KCNIP2: variants seen among roughly 807,000 people sequenced by gnomAD.
The protein encoded by KCNIP2 is A-type potassium channel modulatory protein KCNIP2.
Under a neutral mutation model 39.0 loss-of-function variants are expected in KCNIP2, and 19 were observed. The ratio of observed to expected loss-of-function variants is 0.49; its 90% confidence interval spans 0.34 to 0.71. The LOEUF (loss-of-function observed/expected upper bound fraction) is 0.71, where lower values mean the gene tolerates loss of function less well. Ranked by LOEUF, KCNIP2 falls within the 30% of genes least tolerant of loss-of-function variation. The pLI, the probability that KCNIP2 is intolerant of heterozygous loss-of-function variation, is 0.01. For missense variants in KCNIP2, 261 were observed against 346.0 expected, an observed-to-expected ratio of 0.75 and a Z score of 1.95; for synonymous variants, 111 against 131.2, an observed-to-expected ratio of 0.85 and a Z score of 1.05.
chr10:101,832,782 G>T (rs1014233331), intron 1 of KCNIP2, among the ~76,000 whole-genome samples: 3 of 151,588 alleles, frequency 2.0e-5, no homozygotes, highest in African/African-American at 7.3e-5. Flanking sequence ...CCCCCTACCT[G>T]CTTCTAAGCC....
chr10:101,836,910 G>A (rs1335648669), intron 1 of KCNIP2, among the ~76,000 whole-genome samples: 2 of 151,662 alleles, frequency 1.3e-5, no homozygotes, highest in African/African-American at 2.4e-5. Context: ...GCAGTGAGCC[G>A]AGATCACGCC....
rs1023605706 is a variant in KCNIP2 at position 101,830,696 on chromosome 10, C to T, written c.169+376G>A. ...CTGGTCACGCCCACACACACACACA[C>T]ACACACACACACACGCACGCAGGCC... is the stretch of plus-strand genomic sequence containing the variant. On this transcript the variant is annotated intron_variant, in intron 2 of 9. Coordinates refer to ENST00000356640, the MANE Select transcript of KCNIP2 (RefSeq NM_173191.3). Among the ~76,000 whole-genome samples the T allele has an allele frequency of 1.4e-3, 219 of 151,762 alleles. 4 individuals are homozygous for T. The highest frequency in any genetic ancestry group is 4.3e-4 in the Non-Finnish European group (29 of 67,882).
chr10:101,843,626 T>A lies in KCNIP2; in HGVS notation c.-58A>T. On this transcript the variant is annotated 5_prime_UTR_variant, in exon 1 of 10. Coordinates refer to ENST00000356640, the MANE Select transcript of KCNIP2 (RefSeq NM_173191.3). The surrounding 1 kb of genome is among the most constrained non-coding windows in gnomAD (Gnocchi z 6.7). ...GGGAGGGGGCGCCGGGTGGCCGGGA[T>A]AGGGCGCTCACACGGCGCCCCCTGG... 9.2e-7 allele frequency: 1 copy of A among 1,083,406 alleles called. No homozygotes were observed. Among genetic ancestry groups the A allele is most frequent in the South Asian group, 1.8e-5 (1 of 55,922 alleles). The allele number at this position is 1,083,406 out of a possible 1,614,324, so 67.1% of individuals were successfully genotyped here.
At chr10:101,841,063 G>C (rs537420050) in intron 1 of KCNIP2, among the ~76,000 whole-genome samples, 7 of 152,368 alleles carry the variant, frequency 4.6e-5, no homozygotes, top group African/African-American at 1.4e-4. Context: ...AGACCTGAGG[G>C]ATTAGACAGG....
chr10:101,828,349 C>T lies in KCNIP2; in HGVS notation c.489+40G>A, dbSNP rs377188570. 8 of 1,613,364 alleles carry T rather than the reference C, an allele frequency of 5.0e-6. No homozygotes were observed. In the Admixed American group the frequency reaches 1.3e-4, roughly 27 times the overall value. On this transcript the variant is annotated intron_variant, in intron 6 of 9. Coordinates refer to ENST00000356640, the MANE Select transcript of KCNIP2 (RefSeq NM_173191.3). This position sits in a 1 kb window ranked among gnomAD's most constrained non-coding sequence, Gnocchi z 6.6. ...GGCCTGGAGATCCTGGCCCTGAACT[C>T]CAGGAAACAGGCTTCCCTGGCCCAC...
At position 101,830,760 on chromosome 10, in the gene KCNIP2, G is replaced by A. The variant is rs542118709; in HGVS notation, c.169+312C>T. ...TCCCCCACACGCAGGCGTGCGGCAC[G>A]CCTCCCCATACACACACACACGCGC... is the stretch of plus-strand genomic sequence containing the variant. On this transcript the variant is annotated intron_variant, in intron 2 of 9. Transcript: ENST00000356640. Among the ~76,000 whole-genome samples, 592 of 121,022 alleles carry A rather than the reference G, an allele frequency of 4.9e-3. 11 individuals carry two copies. In the South Asian group the frequency reaches 0.09, roughly 18 times the overall value. The allele number at this position is 121,022 out of a possible 152,430, so 79.4% of individuals were successfully genotyped here.
rs1351588072 is a variant in KCNIP2 at position 101,829,873 on chromosome 10, C to T, written c.194G>A (p.Arg65His). 2 of 1,500,140 alleles carry T rather than the reference C, an allele frequency of 1.3e-6. No individual in the cohort carries two copies. The highest frequency in any genetic ancestry group is 1.3e-5 in the South Asian group (1 of 77,892). 92.9% of individuals were successfully genotyped at this position (1,500,140 alleles called of 1,614,324 possible). Residue 65 changes from arginine to histidine, a missense_variant, in exon 3 of 10, where the codon CGC (arginine) becomes CAC (histidine). Physicochemically the swap from Arg to His is conservative, Grantham distance 29 (BLOSUM62 0). Transcript: ENST00000356640. ...SETLAAPASL[R>H]PHRPRLLDPD... is the part of the protein sequence containing the mutation. The stretch of plus-strand genomic sequence containing the variant: ...GTCCAGCAGGCGGGGTCTGTGGGGG[C>T]GGAGGGAGGCTGGGGCGGCTAATGC...
At chr10:101,842,034 T>C (rs2066351677) in intron 1 of KCNIP2, among the ~76,000 whole-genome samples, 1 of 152,158 alleles carries the variant, frequency 6.6e-6, no homozygotes, top group South Asian at 2.1e-4. Context: ...CTAGGGACAG[T>C]GATGGGGGAT....
intron 1 of KCNIP2, among the ~76,000 whole-genome samples, chr10:101,839,183 T>C (rs2066246837): frequency 6.6e-6 from 1 of 152,054 alleles, no homozygotes; most frequent in African/African-American, 2.4e-5. Flanking sequence ...CACAACTTAG[T>C]AATGCACAAT....
In KCNIP2 at chr10:101,838,184, A is replaced by C. The variant is rs1471635960; in HGVS notation, c.73+5312T>G. On this transcript the variant is annotated intron_variant, in intron 1 of 9. Transcript: ENST00000356640. The surrounding 1 kb of genome is among the most constrained non-coding windows in gnomAD (Gnocchi z 4.0). ...CTCCCCAAGCATCCCTGTGCCACGA[A>C]TTTAGCTCTTCACTCAAAGTAAAAT... is the stretch of plus-strand genomic sequence containing the variant. Among the ~76,000 whole-genome samples, 2 of 152,206 alleles carry C rather than the reference A, an allele frequency of 1.3e-5. No homozygotes were observed. The highest frequency in any genetic ancestry group is 2.1e-4 in the South Asian group (1 of 4,820).
chr10:101,829,863 T>C lies in KCNIP2; in HGVS notation c.204A>G (p.Arg68=). Residue 68 remains arginine (R), a synonymous_variant, in exon 3 of 10, where the codon AGA becomes AGG. Coordinates refer to ENST00000356640, the MANE Select transcript of KCNIP2 (RefSeq NM_173191.3). ...LAAPASLRPH[R]PRLLDPDSVD... is the part of the protein sequence containing the mutation. Reference sequence around the variant, plus strand: ...AGTCACCTGGGTCCAGCAGGCGGGGTCTGTGGGGGCGGAGGGAGGCTGGGG... The same window carrying C: ...AGTCACCTGGGTCCAGCAGGCGGGGCCTGTGGGGGCGGAGGGAGGCTGGGG... 1 of 1,389,798 alleles carries C rather than the reference T, an allele frequency of 7.2e-7. No homozygotes were observed. Among genetic ancestry groups the C allele is most frequent in the Non-Finnish European group, 9.3e-7 (1 of 1,074,786 alleles). 86.1% of individuals were successfully genotyped at this position (1,389,798 alleles called of 1,614,324 possible).
chr10:101,833,164 T>A (rs886123067), intron 1 of KCNIP2, among the ~76,000 whole-genome samples: 1 of 152,124 alleles, frequency 6.6e-6, no homozygotes, highest in Non-Finnish European at 1.5e-5. Context: ...TTCTAGTCTG[T>A]CTTCCTGTCC....
chr10:101,835,242 A>C (rs1484936429), intron 1 of KCNIP2, among the ~76,000 whole-genome samples: 2 of 152,182 alleles, frequency 1.3e-5, no homozygotes, highest in African/African-American at 4.8e-5. Flanking sequence ...CTAGGAGGAT[A>C]TCACCAATAT....
chr10:101,827,409 A>G lies in KCNIP2; in HGVS notation c.766-9T>C, dbSNP rs768311186. ...CTCATGATGTTCTCATCCTGTGGCC[A>G]TGATGTGAGCGAGGCAGATTGAAGA... On this transcript the variant is annotated splice_polypyrimidine_tract_variant and intron_variant, in intron 9 of 9. Coordinates refer to ENST00000356640, the MANE Select transcript of KCNIP2 (RefSeq NM_173191.3). 6.9e-6 allele frequency: 11 copies of G among 1,603,662 alleles called. No individual in the cohort carries two copies. In the South Asian group the frequency reaches 1.1e-4, roughly 16 times the overall value.
At chr10:101,834,301 C>T in intron 1 of KCNIP2, 3 of 399,338 alleles carry the variant, frequency 7.5e-6, no homozygotes, top group Non-Finnish European at 1.3e-5. Context: ...GGCCAAACTG[C>T]TCCAGGACCT....
intron 1 of KCNIP2, among the ~76,000 whole-genome samples, chr10:101,835,909 A>G (rs766115155): frequency 2.0e-5 from 3 of 152,268 alleles, no homozygotes; most frequent in Non-Finnish European, 2.9e-5. Flanking sequence ...GAAGTTAAGC[A>G]AATCTTCAAG....
intron 1 of KCNIP2, among the ~76,000 whole-genome samples, chr10:101,837,190 G>A (rs1049440377): frequency 3.3e-5 from 5 of 152,082 alleles, no homozygotes; most frequent in Admixed American, 2.0e-4. Flanking sequence ...ATCTCACTTA[G>A]TCCTCATAAT....
At chr10:101,830,405 C>T (rs1389262670) in intron 2 of KCNIP2, 6 of 1,286,274 alleles carry the variant, frequency 4.7e-6, no homozygotes, top group Middle Eastern at 2.2e-4. Context: ...GGCGGCCGCA[C>T]GGAGTTGAAG....
rs2065781634 is a variant in KCNIP2 at position 101,827,514 on chromosome 10, A to T, written c.766-114T>A. On this transcript the variant is annotated intron_variant, in intron 9 of 9. Coordinates refer to ENST00000356640, the MANE Select transcript of KCNIP2 (RefSeq NM_173191.3). ...CGGGGACATTCAAAAGCACAGAGGA[A>T]GGAGATGCCCAGAGAGACCTGAGGT... is the stretch of plus-strand genomic sequence containing the variant. 5 of 1,337,020 alleles carry T rather than the reference A, an allele frequency of 3.7e-6. No individual in the cohort carries two copies. In the South Asian group the frequency reaches 4.9e-5, roughly 13 times the overall value. 82.8% of individuals were successfully genotyped at this position (1,337,020 alleles called of 1,614,324 possible). A position where few individuals can be genotyped will look rare whatever the true frequency, so the allele number is the denominator to read the frequency against.
Sources: gnomAD v4.1 joint callset for allele counts (sites outside exome capture counted in the v4.1 genomes callset) on GRCh38, gnomAD v4.1.1 for gene constraint, Gnocchi (gnomAD v3.1) non-coding constraint, MANE v1.5 for transcripts, NCBI Gene and HGNC (gene_info 2026-07-23, HGNC 2026-07-21) for gene names.